Variants in GLIS2 observed in about 807,000 individuals in gnomAD.
GLIS2 encodes zinc finger protein GLIS2.
In GLIS2, 14 loss-of-function variants were observed where a neutral mutation model predicts 35.6. The ratio of observed to expected loss-of-function variants is 0.39; its 90% CI spans 0.26 to 0.61. The LOEUF (loss-of-function observed/expected upper bound fraction) is 0.61, where lower values mean the gene tolerates loss of function less well. Among genes scored for constraint, GLIS2 ranks in the 20% least tolerant of loss-of-function variants. GLIS2 has a pLI of 0.48. For missense variants in GLIS2, 675 were observed against 713.4 expected, an observed-to-expected ratio of 0.95 and a Z score of 0.61; for synonymous variants, 368 against 325.1, an observed-to-expected ratio of 1.13 and a Z score of -1.42.
chr16:4,315,918 G>C (rs1597329208), upstream of GLIS2, among the ~76,000 whole-genome samples: 2 of 148,540 alleles, frequency 1.3e-5, no homozygotes, highest in East Asian at 2.0e-4. Flanking sequence ...GCGAGCGAGC[G>C]AGGGGAGGGG....
rs554958933 is a variant in GLIS2 at position 4,337,258 on chromosome 16, G to C, written c.1309G>C (p.Ala437Pro). ...GLPVVSLLAG[A>P]AGGKAEGEKG... ...GCCTGTGGTCTCCCTCCTTGCTGGCGCAGCTGGTGGCAAGGCCGAGGGGGA... is the reference window on the plus strand; with the variant it reads ...GCCTGTGGTCTCCCTCCTTGCTGGCCCAGCTGGTGGCAAGGCCGAGGGGGA... Residue 437 changes from alanine (A) to proline (P), a missense_variant, in exon 7 of 7, where the codon GCA becomes CCA. Around this residue, in one of 3 missense-constraint regions of GLIS2, gnomAD observed 317 missense variants for 283.2 expected, o/e 1.12. Transcript: ENST00000433375. The C allele has an allele frequency of 6.5e-6, 10 of 1,548,450 alleles. No homozygotes were observed. In the East Asian group the frequency reaches 2.4e-4, roughly 38 times the overall value.
rs2053578137 is a variant in GLIS2 at position 4,338,051 on chromosome 16, G to A, written c.*527G>A. The A allele has an allele frequency of 5.2e-6, 1 of 190,572 alleles. No homozygotes were observed. Among genetic ancestry groups the A allele is most frequent in the South Asian group, 1.1e-4 (1 of 9,428 alleles). 11.8% of individuals were successfully genotyped at this position (190,572 alleles called of 1,614,324 possible). A position where few individuals can be genotyped will look rare whatever the true frequency, so the allele number is the denominator to read the frequency against. On this transcript the variant is annotated 3_prime_UTR_variant, in exon 7 of 7. Transcript: ENST00000433375. ...CCCTTTCCCTCTGACCCTGCCTCCA[G>A]AGGGAAAGCAAGACAGATGCAGGCC...
intron 1 of GLIS2, among the ~76,000 whole-genome samples, chr16:4,317,852 A>G (rs1285897440): frequency 6.6e-6 from 1 of 152,020 alleles, no homozygotes; most frequent in African/African-American, 2.4e-5. Flanking sequence ...TGTTTTTCTT[A>G]GCCTTTCCTC....
Position 4,333,372 on chromosome 16 carries a change from C to G in GLIS2, c.198C>G (p.Pro66=), listed in dbSNP as rs760366684. ...GCTTCCTGCTGAACTCCAAGTTCCC[C>G]GAGAAGGTGGAGGGACGCTTTTCAG... is the stretch of plus-strand genomic sequence containing the variant. ...PSGFLLNSKF[P]EKVEGRFSAA... The change falls in exon 3 of 7, where the codon CCC becomes CCG. Residue 66 remains proline (P), a synonymous_variant. Coordinates refer to ENST00000433375, the MANE Select transcript of GLIS2 (RefSeq NM_032575.3). The G allele has an allele frequency of 1.9e-6, 3 of 1,612,946 alleles. No individual in the cohort carries two copies. Among genetic ancestry groups the G allele is most frequent in the Non-Finnish European group, 2.5e-6 (3 of 1,180,006 alleles).
chr16:4,334,762 G>T, intron 3 of GLIS2, 39 bp from the exon 4 acceptor site: 1 of 1,611,606 alleles, frequency 6.2e-7, no homozygotes, highest in South Asian at 1.1e-5. Flanking sequence ...GGGGCTCTGG[G>T]CCAGCAGGAC....
intron 1 of GLIS2, among the ~76,000 whole-genome samples, chr16:4,327,881 C>T (rs1448308603): frequency 6.6e-6 from 1 of 152,150 alleles, no homozygotes; most frequent in East Asian, 1.9e-4. Flanking sequence ...GCGGCCACCC[C>T]CACCCCCCAC....
At chr16:4,323,984 A>T (rs1458446023) in intron 1 of GLIS2, among the ~76,000 whole-genome samples, 4 of 152,200 alleles carry the variant, frequency 2.6e-5, no homozygotes, top group Non-Finnish European at 5.9e-5. Flanking sequence ...GTAACCAGGC[A>T]GCCTGGCCCT....
At chr16:4,336,671 AC>A in intron 6 of GLIS2, 53 bp from the exon 7 acceptor site, 6 of 1,522,120 alleles carry the variant, frequency 3.9e-6, no homozygotes, top group Non-Finnish European at 5.4e-6. Context: ...ATGGGGTGAG[AC>A]CCAGGAAGGG....
In GLIS2 at chr16:4,320,263, C is replaced by T. The variant is rs1001495440; in HGVS notation, c.-67+4009C>T. ...GGCGGGTGGGAAGCCAGCAGAGGCC[C>T]CAGGAGACCGCTGAGTGGACTGAGT... On this transcript the variant is annotated intron_variant, in intron 1 of 6. Coordinates refer to ENST00000433375, the MANE Select transcript of GLIS2 (RefSeq NM_032575.3). The surrounding 1 kb of genome is among the most constrained non-coding windows in gnomAD (Gnocchi z 5.6). Among the ~76,000 whole-genome samples, 1 of 152,144 alleles carries T rather than the reference C, an allele frequency of 6.6e-6. No homozygotes were observed. The highest frequency in any genetic ancestry group is 6.5e-5 in the Admixed American group (1 of 15,288).
At position 4,318,691 on chromosome 16, in the gene GLIS2, TC is replaced by T. The variant is rs2053342190; in HGVS notation, c.-67+2441del. 2.6e-5 allele frequency among the ~76,000 whole-genome samples: 4 copies of T among 152,112 alleles called. No homozygotes were observed. The South Asian group carries it at 8.3e-4, about 32-fold the overall frequency. ...GACCCCATTTCCAAGGCCCCCACTC[TC>T]CCCTCCACCCTCCTTCCCGGCCTGG... On this transcript the variant is annotated intron_variant, in intron 1 of 6. Coordinates refer to ENST00000433375, the MANE Select transcript of GLIS2 (RefSeq NM_032575.3).
Position 4,335,915 on chromosome 16 carries a change from G to A in GLIS2, c.775+522G>A. ...TTTCATGACAAAGCCTCAAGGAGCT[G>A]ATGTGTATGTTTTTTCCTGGTGTTT... On this transcript the variant is annotated intron_variant, in intron 6 of 6. Transcript: ENST00000433375. The surrounding 1 kb of genome is among the most constrained non-coding windows in gnomAD (Gnocchi z 4.6). 5.5e-6 allele frequency: 1 copy of A among 183,188 alleles called. No individual in the cohort carries two copies. Among genetic ancestry groups the A allele is most frequent in the South Asian group, 1.2e-4 (1 of 8,610 alleles). 11.3% of individuals were successfully genotyped at this position (183,188 alleles called of 1,614,324 possible).
At chr16:4,323,170 G>A (rs1413985458) in intron 1 of GLIS2, among the ~76,000 whole-genome samples, 2 of 152,176 alleles carry the variant, frequency 1.3e-5, no homozygotes, top group Admixed American at 6.5e-5. Context: ...GAATGGCAGT[G>A]CCGCCTGGCA....
rs2053541496 is a variant in GLIS2, at chr16:4,335,514, ATG to A, written c.775+123_775+124del. 20 of 878,542 alleles carry A rather than the reference ATG, an allele frequency of 2.3e-5. No homozygotes were observed. The highest frequency in any genetic ancestry group is 1.2e-4 in the Admixed American group (6 of 49,236). 54.4% of individuals were successfully genotyped at this position (878,542 alleles called of 1,614,324 possible). Reference sequence around the variant, plus strand: ...TCCCGGGCCTCAGAGATAAGGGTTGATGTCATCGCCCAGGGGTCCCTTTTCCA... The same window carrying A: ...TCCCGGGCCTCAGAGATAAGGGTTGATCATCGCCCAGGGGTCCCTTTTCCA... On this transcript the variant is annotated intron_variant, in intron 6 of 6. Coordinates refer to ENST00000433375, the MANE Select transcript of GLIS2 (RefSeq NM_032575.3). The surrounding 1 kb of genome is among the most constrained non-coding windows in gnomAD (Gnocchi z 4.6).
At chr16:4,315,622 C>T (rs1315126042), upstream of GLIS2, among the ~76,000 whole-genome samples, 1 of 151,490 alleles carries the variant, frequency 6.6e-6, no homozygotes, top group Non-Finnish European at 1.5e-5. Context: ...CAGGCCACCT[C>T]CCGGCCGTGT....
chr16:4,335,858 A>AAAT lies in GLIS2; in HGVS notation c.775+466_775+467insATA, dbSNP rs1200774015. The stretch of plus-strand genomic sequence containing the variant: ...CCAACGTGTTATCAATTCATTATTA[A>AAAT]AGACAAATCAGTGAGATATTGAAGT... On this transcript the variant is annotated intron_variant, in intron 6 of 6. Coordinates refer to ENST00000433375, the MANE Select transcript of GLIS2 (RefSeq NM_032575.3). This position sits in a 1 kb window ranked among gnomAD's most constrained non-coding sequence, Gnocchi z 4.6. 1.5e-5 allele frequency: 3 copies of AAAT among 196,018 alleles called. No individual in the cohort carries two copies. The highest frequency in any genetic ancestry group is 7.0e-5 in the African/African-American group (3 of 42,926). The allele number at this position is 196,018 out of a possible 1,614,324, so 12.1% of individuals were successfully genotyped here. A position where few individuals can be genotyped will look rare whatever the true frequency, so the allele number is the denominator to read the frequency against.
At chr16:4,326,241 T>C (rs1045498401) in intron 1 of GLIS2, among the ~76,000 whole-genome samples, 1 of 152,030 alleles carries the variant, frequency 6.6e-6, no homozygotes, top group Non-Finnish European at 1.5e-5. Flanking sequence ...TGAGACTCCA[T>C]CTCAAAAAAG....
intron 1 of GLIS2, among the ~76,000 whole-genome samples, chr16:4,324,467 G>C (rs755802265): frequency 1.2e-4 from 19 of 152,340 alleles, no homozygotes; most frequent in Non-Finnish European, 2.4e-4. Flanking sequence ...GGATTGAAGA[G>C]GCCTGAGGTT....
intron 1 of GLIS2, among the ~76,000 whole-genome samples, chr16:4,323,986 C>G (rs760893746): frequency 1.3e-5 from 2 of 152,220 alleles, no homozygotes; most frequent in African/African-American, 4.8e-5. Context: ...AACCAGGCAG[C>G]CTGGCCCTGG....
chr16:4,318,076 GGGGTGCCCT>G (rs1567215522), intron 1 of GLIS2, among the ~76,000 whole-genome samples: 1 of 152,162 alleles, frequency 6.6e-6, no homozygotes, highest in Non-Finnish European at 1.5e-5. Flanking sequence ...CAATGGGGAG[GGGGTGCCCT>G]GGGAAGCCAG....
Sources: gnomAD v4.1 joint callset for allele counts (sites outside exome capture counted in the v4.1 genomes callset) on GRCh38, gnomAD v4.1.1 for gene constraint, gnomAD v4.1.1 regional missense constraint, Gnocchi (gnomAD v3.1) non-coding constraint, MANE v1.5 for transcripts, NCBI Gene and HGNC (gene_info 2026-07-23, HGNC 2026-07-21) for gene names.